STAT4: variants seen among roughly 807,000 people sequenced by gnomAD.
STAT4 encodes the protein signal transducer and activator of transcription 4.
A neutral mutation model predicts 110.5 loss-of-function variants in STAT4; 42 were observed. The ratio of observed to expected loss-of-function variants is 0.38; its 90% CI spans 0.30 to 0.49. The LOEUF is 0.49. STAT4 is among the 20% of genes least tolerant of loss of function. STAT4 has a pLI of 0.95. For synonymous variants in STAT4, 284 were observed against 302.2 expected (o/e 0.94, Z 0.63); for missense variants, 632 against 887.9 (o/e 0.71, Z 3.66).
chr2:191,049,167 C>CTTTTTTTTTTTT (rs11410725), intron 14 of STAT4, among the ~76,000 whole-genome samples: 1 of 104,128 alleles, frequency 9.6e-6, no homozygotes, highest in African/African-American at 3.6e-5. Flanking sequence ...ATGGTAATAG[C>CTTTTTTTTTTTT]TTTTTTTTTT....
Position 191,039,477 on chromosome 2 carries a change from ATAAG to A in STAT4, c.1336-184_1336-181del, listed in dbSNP as rs1233622439. Among the ~76,000 whole-genome samples the A allele has an allele frequency of 6.6e-6, 1 of 152,216 alleles. No individual in the cohort carries two copies. The highest frequency in any genetic ancestry group is 2.4e-5 in the African/African-American group (1 of 41,462). On this transcript the variant is annotated intron_variant, in intron 15 of 23. Coordinates refer to ENST00000392320, the MANE Select transcript of STAT4 (RefSeq NM_003151.4). This position sits in a 1 kb window ranked among gnomAD's most constrained non-coding sequence, Gnocchi z 4.7. ...AGGCCATGGAACTTTCTGAGCATGC[ATAAG>A]TAAGGGCACAGAGAGGAAAGAGCAG...
At position 191,046,488 on chromosome 2, in the gene STAT4, A is replaced by C. The variant is rs1320382673; in HGVS notation, c.1252-5340T>G. Among the ~76,000 whole-genome samples, 1 of 152,060 alleles carries C rather than the reference A, an allele frequency of 6.6e-6. No individual in the cohort carries two copies. The highest frequency in any genetic ancestry group is 1.9e-4 in the East Asian group (1 of 5,184). ...TGAAGGTGTCATCTGTGCTTGGGAGAGTAGACCTGGAGAGGCCTACACAGA... is the reference window on the plus strand; with the variant it reads ...TGAAGGTGTCATCTGTGCTTGGGAGCGTAGACCTGGAGAGGCCTACACAGA... On this transcript the variant is annotated intron_variant, in intron 14 of 23. Transcript: ENST00000392320. The surrounding 1 kb of genome is among the most constrained non-coding windows in gnomAD (Gnocchi z 4.6).
chr2:191,122,127 C>T (rs889118110), intron 3 of STAT4: 3 of 151,848 alleles, frequency 2.0e-5, no homozygotes, highest in African/African-American at 7.3e-5. Context: ...GTGCTTATTT[C>T]ACATTGCATG....
intron 5 of STAT4, among the ~76,000 whole-genome samples, chr2:191,072,000 A>G (rs1214837343): frequency 1.3e-5 from 2 of 152,094 alleles, no homozygotes; most frequent in Admixed American, 1.3e-4. Context: ...ACCCCCTGTC[A>G]CTCAGTCATT....
rs947984403 is a variant in STAT4 at position 191,033,298 on chromosome 2, T to C, written c.1853-149A>G. 1.4e-4 allele frequency: 163 copies of C among 1,133,156 alleles called. No individual in the cohort carries two copies. Among genetic ancestry groups the C allele is most frequent in the Non-Finnish European group, 1.7e-4 (136 of 808,384 alleles). 70.2% of individuals were successfully genotyped at this position (1,133,156 alleles called of 1,614,324 possible). A position where few individuals can be genotyped will look rare whatever the true frequency, so the allele number is the denominator to read the frequency against. ...CAGACCTTCTGCTGTCTGGACAGTATAGATTGTGCATACGATAGACTTTTT... is the reference window on the plus strand; with the variant it reads ...CAGACCTTCTGCTGTCTGGACAGTACAGATTGTGCATACGATAGACTTTTT... On this transcript the variant is annotated intron_variant, in intron 20 of 23. Transcript: ENST00000392320. This position sits in a 1 kb window ranked among gnomAD's most constrained non-coding sequence, Gnocchi z 6.9.
At chr2:191,076,037 G>C in intron 4 of STAT4, 190 bp downstream of exon 4, 1 of 395,098 alleles carries the variant, frequency 2.5e-6, no homozygotes, top group Non-Finnish European at 4.5e-6. Flanking sequence ...TTTTTTTTTT[G>C]GAGACAGGGT....
Position 191,140,613 on chromosome 2 carries a change from T to C in STAT4, c.273+6000A>G, listed in dbSNP as rs1237781678. Among the ~76,000 whole-genome samples, 2 of 151,972 alleles carry C rather than the reference T, an allele frequency of 1.3e-5. No individual in the cohort carries two copies. The highest frequency in any genetic ancestry group is 3.9e-4 in the East Asian group (2 of 5,180). ...CCAATAGACGCTGGCATGGATGTAG[T>C]GAAAAGGGAACACTGTTAGACTGCT... On this transcript the variant is annotated intron_variant, in intron 3 of 23. Coordinates refer to ENST00000392320, the MANE Select transcript of STAT4 (RefSeq NM_003151.4). This position sits in a 1 kb window ranked among gnomAD's most constrained non-coding sequence, Gnocchi z 4.4.
Position 191,066,610 on chromosome 2 carries a change from A to G in STAT4, c.545-95T>C. On this transcript the variant is annotated intron_variant, in intron 6 of 23. Transcript: ENST00000392320. The surrounding 1 kb of genome is among the most constrained non-coding windows in gnomAD (Gnocchi z 4.3). ...ATCCTAAAACAGCCCTGGCCCGGAG[A>G]ACTTATGTGGTAAGAGACTAATTGG... The G allele has an allele frequency of 8.8e-7, 1 of 1,130,040 alleles. No homozygotes were observed. Among genetic ancestry groups the G allele is most frequent in the Non-Finnish European group, 1.3e-6 (1 of 775,252 alleles). The allele number at this position is 1,130,040 out of a possible 1,614,324, so 70.0% of individuals were successfully genotyped here.
At chr2:191,076,012 A>T in intron 4 of STAT4, 1 of 490,326 alleles carries the variant, frequency 2.0e-6, no homozygotes, top group Non-Finnish European at 3.7e-6. Context: ...ACCATAGCCA[A>T]CTAATTTTTA....
At chr2:191,121,163 G>A (rs1444786366) in intron 3 of STAT4, among the ~76,000 whole-genome samples, 6 of 152,116 alleles carry the variant, frequency 3.9e-5, no homozygotes, top group South Asian at 2.1e-4. Context: ...CAACAGACAC[G>A]TGAAAAAATG....
intron 3 of STAT4, among the ~76,000 whole-genome samples, chr2:191,106,647 A>AAAAAT (rs199803507): frequency 0.55 from 70,150 of 126,834 alleles, 21,286 homozygotes; most frequent in Non-Finnish European, 0.69. Context: ...ACTCCATCTC[A>AAAAAT]AAAATAAAAT....
At position 191,069,699 on chromosome 2, in the gene STAT4, T is replaced by A. The variant is rs1364866424; in HGVS notation, c.538A>T (p.Thr180Ser). ...EFDYRYKTIQ[T>S]MDQSDKNSAM... ...AGAAAAAACAAAAACTTACCCATTG[T>A]CTGAATTGTTTTATACCTGTAGTCA... Residue 180 changes from threonine (T) to serine (S), a missense_variant, in exon 6 of 24, where the codon ACA becomes TCA. Coordinates refer to ENST00000392320, the MANE Select transcript of STAT4 (RefSeq NM_003151.4). 1 of 1,607,966 alleles carries A rather than the reference T, an allele frequency of 6.2e-7. No homozygotes were observed. Among genetic ancestry groups the A allele is most frequent in the Admixed American group, 1.7e-5 (1 of 58,560 alleles).
chr2:191,146,328 C>A lies in STAT4; in HGVS notation c.273+285G>T, dbSNP rs1445042034. Among the ~76,000 whole-genome samples the A allele has an allele frequency of 6.6e-6, 1 of 152,152 alleles. No homozygotes were observed. Among genetic ancestry groups the A allele is most frequent in the Admixed American group, 6.5e-5 (1 of 15,272 alleles). On this transcript the variant is annotated intron_variant, in intron 3 of 23. Coordinates refer to ENST00000392320, the MANE Select transcript of STAT4 (RefSeq NM_003151.4). This position sits in a 1 kb window ranked among gnomAD's most constrained non-coding sequence, Gnocchi z 4.5. ...GAGAGCCGTGAAACTGTGGTCTGGTCAGTGTTGTTGAACTGAATCATAGCT... is the reference window on the plus strand; with the variant it reads ...GAGAGCCGTGAAACTGTGGTCTGGTAAGTGTTGTTGAACTGAATCATAGCT...
At chr2:191,121,212 C>A (rs1698717406) in intron 3 of STAT4, among the ~76,000 whole-genome samples, 1 of 152,190 alleles carries the variant, frequency 6.6e-6, no homozygotes, top group Admixed American at 6.5e-5. Context: ...TAAATCAAAA[C>A]TACAATGAGA....
intron 3 of STAT4, among the ~76,000 whole-genome samples, chr2:191,088,201 A>T (rs146892550): frequency 2.2e-3 from 342 of 152,324 alleles, no homozygotes; most frequent in African/African-American, 7.6e-3. Context: ...TCCTGGAACT[A>T]ATAAGCCATT....
In STAT4 at chr2:191,059,890, C is replaced by T. The variant is rs1696803879; in HGVS notation, c.1035-1121G>A. ...TAAAATCAGGCCAGATGTTTTTCCT[C>T]TCCACCTTCCTTTTTATACCACTTC... On this transcript the variant is annotated intron_variant, in intron 10 of 23. Coordinates refer to ENST00000392320, the MANE Select transcript of STAT4 (RefSeq NM_003151.4). This position sits in a 1 kb window ranked among gnomAD's most constrained non-coding sequence, Gnocchi z 4.7. Among the ~76,000 whole-genome samples, 1 of 152,182 alleles carries T rather than the reference C, an allele frequency of 6.6e-6. No homozygotes were observed. Among genetic ancestry groups the T allele is most frequent in the African/African-American group, 2.4e-5 (1 of 41,432 alleles).
Position 191,066,738 on chromosome 2 carries a change from A to C in STAT4, c.545-223T>G, listed in dbSNP as rs1517352. Among the ~76,000 whole-genome samples, 69,817 of 152,092 alleles carry C rather than the reference A, an allele frequency of 0.46. 19,647 individuals carry two copies. The highest frequency in any genetic ancestry group is 0.62 in the Non-Finnish European group (42,034 of 67,958). ...CTCTTTATTTTAGAGCTTCAGGAAAAACCATTCTGCACTGGGTGTTTTGTT... is the reference window on the plus strand; with the variant it reads ...CTCTTTATTTTAGAGCTTCAGGAAACACCATTCTGCACTGGGTGTTTTGTT... On this transcript the variant is annotated intron_variant, in intron 6 of 23. Coordinates refer to ENST00000392320, the MANE Select transcript of STAT4 (RefSeq NM_003151.4). This position sits in a 1 kb window ranked among gnomAD's most constrained non-coding sequence, Gnocchi z 4.3.
At chr2:191,075,443 G>A (rs1697287269) in intron 4 of STAT4, among the ~76,000 whole-genome samples, 1 of 152,186 alleles carries the variant, frequency 6.6e-6, no homozygotes, top group Admixed American at 6.5e-5. Flanking sequence ...TGGAACTTCT[G>A]TAAGACAAAA....
Position 191,032,280 on chromosome 2 carries a change from T to A in STAT4, c.2044+678A>T, listed in dbSNP as rs897062440. On this transcript the variant is annotated intron_variant, in intron 21 of 23. Transcript: ENST00000392320. The surrounding 1 kb of genome is among the most constrained non-coding windows in gnomAD (Gnocchi z 4.9). ...TAGATGAAGATTTTTATGGATTGTA[T>A]ACACTTTCATTAAAGAAACAGAATG... 6.6e-6 allele frequency: 1 copy of A among 152,276 alleles called. No homozygotes were observed. 9.4% of individuals were successfully genotyped at this position (152,276 alleles called of 1,614,324 possible).
Sources: gnomAD v4.1 joint callset for allele counts (sites outside exome capture counted in the v4.1 genomes callset) on GRCh38, gnomAD v4.1.1 for gene constraint, Gnocchi (gnomAD v3.1) non-coding constraint, MANE v1.5 for transcripts, NCBI Gene and HGNC (gene_info 2026-07-23, HGNC 2026-07-21) for gene names.